The following SOS1 variants were observed in gnomAD, a reference collection of about 807,000 sequenced individuals.
SOS1 encodes son of sevenless homolog 1.
A neutral mutation model predicts 157.6 loss-of-function variants in SOS1; 25 were observed. That is an observed-to-expected ratio of 0.16 (90% CI 0.12 to 0.22). The LOEUF is 0.22. SOS1 is among the 10% of genes least tolerant of loss of function. The probability of loss-of-function intolerance (pLI) is 1.00; values close to 1 mark genes in which losing one functional copy is unlikely to be tolerated. For missense variants in SOS1, 1,237 were observed against 1,599.1 expected (o/e 0.77, Z 3.86); for synonymous variants, 528 against 534.0 (o/e 0.99, Z 0.16).
chr2:39,101,339 A>T (rs1246226685), intron 1 of SOS1, among the ~76,000 whole-genome samples: 3 of 152,134 alleles, frequency 2.0e-5, no homozygotes, highest in Admixed American at 2.0e-4. Flanking sequence ...ACTGTCTAAC[A>T]CTGAGACGTG....
intron 8 of SOS1, among the ~76,000 whole-genome samples, chr2:39,031,359 A>T (rs1230904557): frequency 6.6e-6 from 1 of 152,328 alleles, no homozygotes; most frequent in East Asian, 1.9e-4. Context: ...AGAGGGAGAT[A>T]AAATCCCATG....
intron 20 of SOS1, among the ~76,000 whole-genome samples, chr2:38,994,511 T>C (rs1668831776): frequency 1.3e-5 from 2 of 152,214 alleles, no homozygotes; most frequent in South Asian, 2.1e-4. Flanking sequence ...GAGTAGATGG[T>C]GTACCCTGAC....
intron 20 of SOS1, among the ~76,000 whole-genome samples, 160 bp downstream of exon 20, chr2:38,994,963 G>A (rs1668843311): frequency 6.6e-6 from 1 of 152,184 alleles, no homozygotes; most frequent in South Asian, 2.1e-4. Context: ...AGTTGGTGGA[G>A]TTTAGAATTT....
At chr2:39,048,363 C>T (rs1193539197) in intron 6 of SOS1, among the ~76,000 whole-genome samples, 1 of 152,002 alleles carries the variant, frequency 6.6e-6, no homozygotes, top group Admixed American at 6.6e-5. Context: ...AATTATAGTT[C>T]CTTCGCAAAA....
At chr2:39,027,982 T>C (rs1329365700) in intron 8 of SOS1, among the ~76,000 whole-genome samples, 1 of 152,038 alleles carries the variant, frequency 6.6e-6, no homozygotes, top group Non-Finnish European at 1.5e-5. Flanking sequence ...AGCTGCGTGT[T>C]ACCACACCCA....
At chr2:39,003,074 A>AAACAAACAAACG (rs1334514411) in intron 17 of SOS1, among the ~76,000 whole-genome samples, 3 of 46,936 alleles carry the variant, frequency 6.4e-5, no homozygotes, top group Admixed American at 8.6e-4. Context: ...ATCAAAAAAA[A>AAACAAACAAACG]AAAAGAACGT....
intron 8 of SOS1, among the ~76,000 whole-genome samples, 170 bp downstream of exon 8, chr2:39,035,042 G>C (rs184684127): frequency 1.4e-4 from 22 of 152,092 alleles, no homozygotes; most frequent in Admixed American, 7.2e-4. Flanking sequence ...ACTAAGACGA[G>C]AAAATATGCT....
At chr2:39,036,614 G>C (rs77278214) in intron 6 of SOS1, among the ~76,000 whole-genome samples, 27,037 of 151,916 alleles carry the variant, frequency 0.18, 2,956 homozygotes, top group Non-Finnish European at 0.24. Flanking sequence ...CCCTCTGTCG[G>C]CCAGGCTGGA....
intron 1 of SOS1, among the ~76,000 whole-genome samples, chr2:39,109,592 G>A (rs550591681): frequency 6.6e-6 from 1 of 152,212 alleles, no homozygotes; most frequent in East Asian, 1.9e-4. Context: ...CTCAAAAAAG[G>A]CAACACACTG....
rs1169873280 is a variant in SOS1, at chr2:39,045,296, G to GTA, written c.864+5847_864+5848insTA. 2.0e-5 allele frequency among the ~76,000 whole-genome samples: 3 copies of GTA among 151,808 alleles called. No homozygotes were observed. In the East Asian group the frequency reaches 5.8e-4, roughly 30 times the overall value. On this transcript the variant is annotated intron_variant, in intron 6 of 22. Transcript: ENST00000402219. ...AGAGTGTGTGTGTGTGTGTGTGTGTGTGTGTGTAAAATCAAATGTGTTAGT... is the reference window on the plus strand; with the variant it reads ...AGAGTGTGTGTGTGTGTGTGTGTGTGTATGTGTGTAAAATCAAATGTGTTAGT...
intron 6 of SOS1, among the ~76,000 whole-genome samples, chr2:39,049,038 G>T (rs898336403): frequency 4.6e-5 from 7 of 151,682 alleles, no homozygotes; most frequent in African/African-American, 1.5e-4. Context: ...CTGCCTCAGC[G>T]TCCCGAGTAG....
At chr2:39,046,924 G>A (rs921576969) in intron 6 of SOS1, among the ~76,000 whole-genome samples, 5 of 152,090 alleles carry the variant, frequency 3.3e-5, no homozygotes, top group African/African-American at 7.2e-5. Context: ...AGTAGTAAAC[G>A]CTCTTGGTCA....
chr2:39,048,525 T>C (rs998362105), intron 6 of SOS1, among the ~76,000 whole-genome samples: 8 of 152,000 alleles, frequency 5.3e-5, no homozygotes, highest in African/African-American at 1.9e-4. Flanking sequence ...CTCAGTCTCC[T>C]GAGTAGCTGG....
chr2:39,023,938 G>A, intron 9 of SOS1, 72 bp downstream of exon 9: 2 of 1,054,044 alleles, frequency 1.9e-6, no homozygotes, highest in Non-Finnish European at 2.9e-6. Flanking sequence ...CTTGAGGAGG[G>A]AACTGGGATC....
At position 38,983,892 on chromosome 2, in the gene SOS1, AATATTTTATAAAGAGAAGAATGG is replaced by A. The variant is rs1430906730; in HGVS notation, c.*1909_*1931del. On this transcript the variant is annotated 3_prime_UTR_variant, in exon 23 of 23. Transcript: ENST00000402219. ...GTTTTAGGACGCTTTTCAAAGAGGAAATATTTTATAAAGAGAAGAATGGCTACCATCATAGGAATGGTACAGAT... is the reference window on the plus strand; with the variant it reads ...GTTTTAGGACGCTTTTCAAAGAGGAACTACCATCATAGGAATGGTACAGAT... The A allele has an allele frequency of 6.6e-6, 1 of 152,164 alleles. No individual in the cohort carries two copies. Among genetic ancestry groups the A allele is most frequent in the Admixed American group, 6.6e-5 (1 of 15,266 alleles). The allele number at this position is 152,164 out of a possible 1,614,324, so 9.4% of individuals were successfully genotyped here. A position where few individuals can be genotyped will look rare whatever the true frequency, so the allele number is the denominator to read the frequency against.
intron 11 of SOS1, 152 bp downstream of exon 11, chr2:39,014,613 T>C: frequency 2.2e-6 from 1 of 463,770 alleles, no homozygotes; most frequent in Non-Finnish European, 3.9e-6. Flanking sequence ...AACATTATTA[T>C]AAAATAAATG....
At chr2:39,069,032 T>C (rs555107609) in intron 1 of SOS1, among the ~76,000 whole-genome samples, 5 of 151,834 alleles carry the variant, frequency 3.3e-5, no homozygotes, top group South Asian at 4.2e-4. Flanking sequence ...ACAGCCTCAG[T>C]GTACAGGGAA....
In SOS1 at chr2:39,073,213, G is replaced by T. The variant is rs1017350025; in HGVS notation, c.88-5460C>A. Reference sequence around the variant, plus strand: ...TCTTACGGCAGTCTTCAGAAGCCATGTACAGCTGATTCAGAGTTGCATGTG... The same window carrying T: ...TCTTACGGCAGTCTTCAGAAGCCATTTACAGCTGATTCAGAGTTGCATGTG... On this transcript the variant is annotated intron_variant, in intron 1 of 22. Transcript: ENST00000402219. 2.6e-5 allele frequency among the ~76,000 whole-genome samples: 4 copies of T among 152,202 alleles called. No individual in the cohort carries two copies. In the South Asian group the frequency reaches 6.2e-4, roughly 24 times the overall value.
At chr2:39,003,066 C>CAAAAAAAAAAACA (rs1553352636) in intron 17 of SOS1, among the ~76,000 whole-genome samples, 7 of 72,306 alleles carry the variant, frequency 9.7e-5, no homozygotes, top group Non-Finnish European at 2.0e-4. Flanking sequence ...GACCTTGTAT[C>CAAAAAAAAAAACA]AAAAAAAAAA....
Sources: allele counts gnomAD v4.1 joint callset (sites outside exome capture counted in the v4.1 genomes callset), GRCh38; gene constraint gnomAD v4.1.1; transcripts MANE v1.5; gene names NCBI Gene and HGNC (gene_info 2026-07-23, HGNC 2026-07-21).